Variants in PLEKHM2 observed in about 807,000 individuals in gnomAD.
PLEKHM2 encodes the protein pleckstrin homology domain-containing family M member 2.
Under a neutral mutation model 116.3 loss-of-function variants are expected in PLEKHM2, and 77 were observed. That is an observed-to-expected ratio of 0.66 (90% CI 0.55 to 0.80). PLEKHM2 has a LOEUF of 0.80. Among genes scored for constraint, PLEKHM2 ranks in the 30% least tolerant of loss-of-function variants. PLEKHM2 has a pLI of 0.00. For synonymous variants in PLEKHM2, 562 were observed against 571.0 expected (o/e 0.98, Z 0.22); for missense variants, 1,183 against 1,354.9 (o/e 0.87, Z 1.99).
At position 15,721,106 on chromosome 1, in the gene PLEKHM2, A is replaced by C. The variant is rs756232834; in HGVS notation, c.653-223A>C. The C allele has an allele frequency of 1.4e-4, 71 of 512,708 alleles. 1 individual carries two copies. The highest frequency in any genetic ancestry group is 2.0e-4 in the Non-Finnish European group (59 of 291,116). The allele number at this position is 512,708 out of a possible 1,614,324, so 31.8% of individuals were successfully genotyped here. ...GGATGTGGAAAGGGGTCACCCTGAC[A>C]GGTCTTTCCAGCTGGTTGGAGGCTC... On this transcript the variant is annotated intron_variant, in intron 6 of 19. Coordinates refer to ENST00000375799, the MANE Select transcript of PLEKHM2 (RefSeq NM_015164.4). The surrounding 1 kb of genome is among the most constrained non-coding windows in gnomAD (Gnocchi z 5.1).
chr1:15,714,730 G>A (rs1043906355), intron 1 of PLEKHM2, among the ~76,000 whole-genome samples: 38 of 152,188 alleles, frequency 2.5e-4, no homozygotes, highest in African/African-American at 8.9e-4. Flanking sequence ...AAACACTTGA[G>A]AATACGTTTG....
At chr1:15,700,271 G>A (rs963482087) in intron 1 of PLEKHM2, among the ~76,000 whole-genome samples, 2 of 152,016 alleles carry the variant, frequency 1.3e-5, no homozygotes, top group Non-Finnish European at 2.9e-5. Flanking sequence ...ACAGGGTCTC[G>A]CTCTGTCACC....
intron 1 of PLEKHM2, among the ~76,000 whole-genome samples, chr1:15,710,324 GTTGTTGTTA>G (rs763946633): frequency 2.0e-5 from 3 of 151,826 alleles, no homozygotes; most frequent in Non-Finnish European, 4.4e-5. Context: ...CAGTTTTGTT[GTTGTTGTTA>G]TTGTTGTTAT....
chr1:15,713,205 G>A (rs1340764304), intron 1 of PLEKHM2, among the ~76,000 whole-genome samples: 1 of 151,874 alleles, frequency 6.6e-6, no homozygotes, highest in Non-Finnish European at 1.5e-5. Flanking sequence ...CTCCTGCCTC[G>A]GGCCTCCCAA....
chr1:15,690,000 C>T (rs1024520297), intron 1 of PLEKHM2, among the ~76,000 whole-genome samples: 13 of 151,898 alleles, frequency 8.6e-5, no homozygotes, highest in African/African-American at 3.1e-4. Flanking sequence ...AGGTGATCTG[C>T]CTGCTTCGGC....
intron 1 of PLEKHM2, among the ~76,000 whole-genome samples, chr1:15,715,770 C>CA (rs1191966164): frequency 1.3e-5 from 2 of 152,180 alleles, no homozygotes; most frequent in Admixed American, 6.5e-5. Flanking sequence ...CTCAATAGGG[C>CA]AAAACAATAA....
intron 1 of PLEKHM2, among the ~76,000 whole-genome samples, chr1:15,701,751 A>G (rs935801601): frequency 6.6e-5 from 10 of 152,212 alleles, no homozygotes; most frequent in Non-Finnish European, 8.8e-5. Context: ...AGATTGCGCC[A>G]CTGCACTCCA....
intron 1 of PLEKHM2, among the ~76,000 whole-genome samples, chr1:15,701,032 G>A (rs940538241): frequency 3.4e-5 from 5 of 146,552 alleles, no homozygotes; most frequent in African/African-American, 5.1e-5. Context: ...AGAATCGCTC[G>A]AACCCAGGAG....
In PLEKHM2 at chr1:15,728,505, C is replaced by T; in HGVS notation, c.1921+148C>T. On this transcript the variant is annotated intron_variant, in intron 11 of 19. Transcript: ENST00000375799. The surrounding 1 kb of genome is among the most constrained non-coding windows in gnomAD (Gnocchi z 5.9). Reference sequence around the variant, plus strand: ...CCCAAGGAAGGTGTTGCCAGCAGCCCTGAGACGTGAGCCTGGGGCTCCCTC... The same window carrying T: ...CCCAAGGAAGGTGTTGCCAGCAGCCTTGAGACGTGAGCCTGGGGCTCCCTC... 1 of 990,538 alleles carries T rather than the reference C, an allele frequency of 1.0e-6. No individual in the cohort carries two copies. The highest frequency in any genetic ancestry group is 1.6e-5 in the African/African-American group (1 of 61,960). The allele number at this position is 990,538 out of a possible 1,614,324, so 61.4% of individuals were successfully genotyped here. A position where few individuals can be genotyped will look rare whatever the true frequency, so the allele number is the denominator to read the frequency against.
intron 19 of PLEKHM2, among the ~76,000 whole-genome samples, chr1:15,732,947 T>TG (rs1379010082): frequency 6.6e-6 from 1 of 152,244 alleles, no homozygotes; most frequent in African/African-American, 2.4e-5. Flanking sequence ...CGTCTCTTGC[T>TG]GCGCACAAGC....
chr1:15,710,455 G>A (rs2148350666), intron 1 of PLEKHM2, among the ~76,000 whole-genome samples: 1 of 151,650 alleles, frequency 6.6e-6, no homozygotes, highest in Middle Eastern at 3.4e-3. Context: ...AGCCTCCCGA[G>A]TAGCTGGGAT....
chr1:15,730,729 G>A lies in PLEKHM2; in HGVS notation c.2399+7G>A, dbSNP rs751250103. On this transcript the variant is annotated splice_region_variant and intron_variant, in intron 15 of 19. Coordinates refer to ENST00000375799, the MANE Select transcript of PLEKHM2 (RefSeq NM_015164.4). Reference sequence around the variant, plus strand: ...CGTGCTTCGTGGTGCTCAGGTGGGAGCCCTGGCAGCTCTAGGCCTGGGGCT... The same window carrying A: ...CGTGCTTCGTGGTGCTCAGGTGGGAACCCTGGCAGCTCTAGGCCTGGGGCT... 3.8e-6 allele frequency: 6 copies of A among 1,586,502 alleles called. No individual in the cohort carries two copies. In the Admixed American group the frequency reaches 7.2e-5, roughly 19 times the overall value.
At chr1:15,720,834 A>T (rs6671429) in intron 6 of PLEKHM2, 67,583 of 152,518 alleles carry the variant, frequency 0.44, 17,010 homozygotes, top group African/African-American at 0.7. Flanking sequence ...AGAAGGCGGC[A>T]CAGTCTCCTT....
chr1:15,718,543 C>T lies in PLEKHM2; in HGVS notation c.383C>T (p.Ala128Val). ...GLLHKYYVKN[A>V]LVCSHDHLTL... Reference sequence around the variant, plus strand: ...TGGCTTCTCATGTCTTGCAGGAATGCCCTGGTCTGCAGCCACGATCACCTG... The same window carrying T: ...TGGCTTCTCATGTCTTGCAGGAATGTCCTGGTCTGCAGCCACGATCACCTG... The change falls in exon 5 of 20, where the codon GCC becomes GTC. Residue 128 changes from alanine to valine, a missense_variant. This residue lies in a region of PLEKHM2 where 217 missense variants were observed against 277.6 expected (regional missense o/e 0.78). Coordinates refer to ENST00000375799, the MANE Select transcript of PLEKHM2 (RefSeq NM_015164.4). The T allele has an allele frequency of 6.4e-7, 1 of 1,566,552 alleles. No individual in the cohort carries two copies. Among genetic ancestry groups the T allele is most frequent in the Non-Finnish European group, 8.7e-7 (1 of 1,152,680 alleles).
chr1:15,692,312 A>G (rs1640904800), intron 1 of PLEKHM2, among the ~76,000 whole-genome samples: 1 of 152,262 alleles, frequency 6.6e-6, no homozygotes, highest in South Asian at 2.1e-4. Flanking sequence ...ATTTACATAA[A>G]ATAGTATCTA....
At position 15,732,741 on chromosome 1, in the gene PLEKHM2, C is replaced by T. The variant is rs1327536351; in HGVS notation, c.2922+13C>T. The T allele has an allele frequency of 3.2e-6, 5 of 1,551,826 alleles. No homozygotes were observed. Among genetic ancestry groups the T allele is most frequent in the Admixed American group, 3.5e-5 (2 of 56,500 alleles). On this transcript the variant is annotated intron_variant, in intron 19 of 19. Transcript: ENST00000375799. ...AACCATCTATCAGGTACCCAGCTGC[C>T]CAGGAAACCCATTAGCCAGGGACCC...
chr1:15,702,949 A>C (rs1377423630), intron 1 of PLEKHM2, among the ~76,000 whole-genome samples: 10 of 150,356 alleles, frequency 6.7e-5, no homozygotes, highest in Admixed American at 6.6e-4. Context: ...CTGGTCTCAA[A>C]CTTCTGGCTT....
intron 1 of PLEKHM2, among the ~76,000 whole-genome samples, chr1:15,688,649 C>CAA (rs36016839): frequency 3.4e-5 from 3 of 88,788 alleles, no homozygotes; most frequent in Non-Finnish European, 4.8e-5. Flanking sequence ...GACTCTGTCT[C>CAA]AAAAAAAAAA....
At chr1:15,693,429 G>A (rs1640927134) in intron 1 of PLEKHM2, among the ~76,000 whole-genome samples, 1 of 152,218 alleles carries the variant, frequency 6.6e-6, no homozygotes. Flanking sequence ...GTGACACTGT[G>A]TGGTCCTTTC....
Sources: allele counts gnomAD v4.1 joint callset (sites outside exome capture counted in the v4.1 genomes callset), GRCh38; gene constraint gnomAD v4.1.1; regional missense constraint gnomAD v4.1.1; non-coding constraint Gnocchi (gnomAD v3.1); transcripts MANE v1.5; gene names NCBI Gene and HGNC (gene_info 2026-07-23, HGNC 2026-07-21).